Variants in IKZF1 observed in about 807,000 individuals in gnomAD.
IKZF1 encodes IKAROS family zinc finger 1, also known as DNA-binding protein Ikaros.
Under a neutral mutation model 51.7 loss-of-function variants are expected in IKZF1, and 10 were observed. That is an observed-to-expected ratio of 0.19 (90% CI 0.12 to 0.33). The LOEUF is 0.33. Among genes scored for constraint, IKZF1 ranks in the 10% least tolerant of loss-of-function variants. The pLI is 1.00. For missense variants in IKZF1, 484 were observed against 707.5 expected (o/e 0.68, Z 3.58); for synonymous variants, 280 against 282.3 (o/e 0.99, Z 0.08).
At chr7:50,370,048 C>T (rs754945195) in intron 3 of IKZF1, among the ~76,000 whole-genome samples, 7 of 152,056 alleles carry the variant, frequency 4.6e-5, no homozygotes, top group South Asian at 4.1e-4. Flanking sequence ...ATTTAATTAC[C>T]GTGATTCAAG....
chr7:50,381,117 TA>T (rs113752498), intron 4 of IKZF1, among the ~76,000 whole-genome samples: 10,671 of 151,386 alleles, frequency 0.07, 519 homozygotes, highest in South Asian at 0.093. Context: ...CCCGCCAGCT[TA>T]AAAAAAAAGT....
intron 2 of IKZF1, among the ~76,000 whole-genome samples, chr7:50,325,800 A>C (rs1287027616): frequency 6.6e-6 from 1 of 152,154 alleles, no homozygotes; most frequent in Non-Finnish European, 1.5e-5. Flanking sequence ...TTCTATTTAC[A>C]GCAGTGAAAA....
In IKZF1 at chr7:50,366,181, A is replaced by G. The variant is rs978412056; in HGVS notation, c.161-10352A>G. ...TAGATTTAATACCGGATGACAAAAC[A>G]ATCTGTATAACAAACCCCCATGACA... is the stretch of plus-strand genomic sequence containing the variant. On this transcript the variant is annotated intron_variant, in intron 3 of 7. Coordinates refer to ENST00000331340, the MANE Select transcript of IKZF1 (RefSeq NM_006060.6). Among the ~76,000 whole-genome samples the G allele has an allele frequency of 4.6e-5, 7 of 152,156 alleles. 1 individual carries two copies. In the South Asian group the frequency reaches 1.4e-3, roughly 32 times the overall value.
intron 5 of IKZF1, 126 bp from the exon 6 acceptor site, chr7:50,387,219 A>G: frequency 7.7e-7 from 1 of 1,305,280 alleles, no homozygotes; most frequent in Non-Finnish European, 1.0e-6. Context: ...AGTCCGTAAC[A>G]GTTTTAGCTC....
rs1462102408 is a variant in IKZF1, at chr7:50,382,598, G to A, written c.480G>A (p.Leu160=). The A allele has an allele frequency of 6.2e-7, 1 of 1,613,820 alleles. No individual in the cohort carries two copies. Among genetic ancestry groups the A allele is most frequent in the East Asian group, 2.2e-5 (1 of 44,886 alleles). ...CCTCATTCACCCAGAAGGGCAACCT[G>A]CTCCGGCACATCAAGCTGCATTCCG... is the stretch of plus-strand genomic sequence containing the variant. ...CGASFTQKGN[L]LRHIKLHSGE... The change falls in exon 5 of 8, where the codon CTG becomes CTA. Residue 160 remains leucine (L), a synonymous_variant. Coordinates refer to ENST00000331340, the MANE Select transcript of IKZF1 (RefSeq NM_006060.6).
intron 4 of IKZF1, among the ~76,000 whole-genome samples, chr7:50,381,119 A>G (rs1811735667): frequency 7.6e-6 from 1 of 131,570 alleles, no homozygotes; most frequent in African/African-American, 2.6e-5. Flanking sequence ...CGCCAGCTTA[A>G]AAAAAAAGTG....
intron 2 of IKZF1, among the ~76,000 whole-genome samples, chr7:50,325,683 G>T (rs1039346284): frequency 1.3e-5 from 2 of 152,032 alleles, no homozygotes; most frequent in Non-Finnish European, 2.9e-5. Context: ...GCTGAGACAG[G>T]AGAATGGCTT....
chr7:50,384,185 C>T (rs994553831), intron 5 of IKZF1, among the ~76,000 whole-genome samples: 4 of 152,154 alleles, frequency 2.6e-5, no homozygotes, highest in Non-Finnish European at 5.9e-5. Flanking sequence ...GTGTGTGAGT[C>T]GGCAGTAATC....
intron 1 of IKZF1, among the ~76,000 whole-genome samples, chr7:50,312,846 G>A (rs188199085): frequency 2.0e-5 from 3 of 152,292 alleles, no homozygotes; most frequent in South Asian, 2.1e-4. Flanking sequence ...GTTAAATGTC[G>A]GGGGAGGGTG....
chr7:50,371,819 A>G (rs1039549309), intron 3 of IKZF1, among the ~76,000 whole-genome samples: 4 of 152,202 alleles, frequency 2.6e-5, no homozygotes, highest in Non-Finnish European at 1.5e-5. Context: ...AGGCGTGCGT[A>G]CAGCCTGGCT....
At chr7:50,312,119 G>A (rs1298503371) in intron 1 of IKZF1, among the ~76,000 whole-genome samples, 5 of 152,188 alleles carry the variant, frequency 3.3e-5, no homozygotes, top group Non-Finnish European at 1.5e-5. Context: ...TAAGAGGGCA[G>A]AAGAAAATGA....
intron 3 of IKZF1, among the ~76,000 whole-genome samples, chr7:50,358,031 GC>G (rs1446817081): frequency 6.6e-6 from 1 of 152,220 alleles, no homozygotes; most frequent in East Asian, 1.9e-4. Context: ...CTGGTTGCAA[GC>G]CCCTGGAGTC....
intron 3 of IKZF1, among the ~76,000 whole-genome samples, chr7:50,353,659 G>C (rs1290067266): frequency 6.6e-6 from 1 of 152,226 alleles, no homozygotes; most frequent in Non-Finnish European, 1.5e-5. Context: ...GGGGCCAGTA[G>C]ATGCCACTTT....
At chr7:50,389,112 C>T (rs989540394) in intron 6 of IKZF1, among the ~76,000 whole-genome samples, 2 of 152,222 alleles carry the variant, frequency 1.3e-5, no homozygotes, top group Non-Finnish European at 2.9e-5. Context: ...AAGCAGCACT[C>T]ATTTCACTGA....
intron 3 of IKZF1, among the ~76,000 whole-genome samples, chr7:50,329,977 G>A (rs1466797626): frequency 6.6e-6 from 1 of 152,212 alleles, no homozygotes; most frequent in African/African-American, 2.4e-5. Flanking sequence ...AACAGTGTCA[G>A]TATCCTGTCC....
intron 4 of IKZF1, among the ~76,000 whole-genome samples, chr7:50,378,129 G>C (rs1391755545): frequency 6.6e-6 from 1 of 152,128 alleles, no homozygotes; most frequent in Non-Finnish European, 1.5e-5. Context: ...GATATTTGTG[G>C]GGTTGTAATT....
upstream of IKZF1, among the ~76,000 whole-genome samples, chr7:50,303,780 G>T (rs1292647533): frequency 6.6e-6 from 1 of 151,576 alleles, no homozygotes; most frequent in Non-Finnish European, 1.5e-5. This position sits in a 1 kb window ranked among gnomAD's most constrained non-coding sequence, Gnocchi z 4.7. Context: ...CGAGCGTGAG[G>T]GTGCCCCGAC....
rs1173905928 is a variant in IKZF1 at position 50,382,647 on chromosome 7, C to G, written c.529C>G (p.Leu177Val). 1 of 1,613,202 alleles carries G rather than the reference C, an allele frequency of 6.2e-7. No homozygotes were observed. The change falls in exon 5 of 8, where the codon CTC (leucine) becomes GTC (valine). Residue 177 changes from leucine (L) to valine (V), a missense_variant. By Grantham distance (32) the Leu-to-Val change is conservative. Transcript: ENST00000331340. ...HSGEKPFKCH[L>V]CNYACRRRDA... ...CGGGGAGAAGCCCTTCAAATGCCAC[C>G]TCTGCAACTACGCCTGCCGCCGGAG...
At chr7:50,348,033 AG>A (rs1800819770) in intron 3 of IKZF1, among the ~76,000 whole-genome samples, 1 of 152,192 alleles carries the variant, frequency 6.6e-6, no homozygotes, top group South Asian at 2.1e-4. Context: ...CAGGGGACCA[AG>A]GGACATTTTA....
Sources: gnomAD v4.1 joint callset for allele counts (sites outside exome capture counted in the v4.1 genomes callset) on GRCh38, gnomAD v4.1.1 for gene constraint, Gnocchi (gnomAD v3.1) non-coding constraint, MANE v1.5 for transcripts, NCBI Gene and HGNC (gene_info 2026-07-23, HGNC 2026-07-21) for gene names.